Variants in RBPJ observed in about 807,000 individuals in gnomAD.
RBPJ encodes the protein recombining binding protein suppressor of hairless.
A neutral mutation model predicts 67.8 loss-of-function variants in RBPJ; 9 were observed. The observed-to-expected ratio is 0.13, with a 90% CI of 0.08 to 0.23. The LOEUF (loss-of-function observed/expected upper bound fraction) is 0.23. Among genes scored for constraint, RBPJ ranks in the 10% least tolerant of loss-of-function variants. RBPJ has a pLI of 1.00. For missense variants in RBPJ, 305 were observed against 595.6 expected (o/e 0.51, Z 5.08); for synonymous variants, 198 against 203.3 (o/e 0.97, Z 0.22).
chr4:26,231,899 A>T lies in RBPJ; in HGVS notation c.-167+68285A>T, dbSNP rs1053326243. 2.8e-5 allele frequency among the ~76,000 whole-genome samples: 4 copies of T among 145,330 alleles called. 1 individual carries two copies. The highest frequency in any genetic ancestry group is 1.0e-4 in the African/African-American group (4 of 39,298). On this transcript the variant is annotated intron_variant, in intron 1 of 4. Transcript: ENST00000512351. Reference sequence around the variant, plus strand: ...AATTTTTATTTATTTTTATTTATTTATTTATTTTTTTAGACAGAGTCTCAC... The same window carrying T: ...AATTTTTATTTATTTTTATTTATTTTTTTATTTTTTTAGACAGAGTCTCAC...
At chr4:26,181,055 C>G (rs1297363565) in intron 1 of RBPJ, among the ~76,000 whole-genome samples, 1 of 152,192 alleles carries the variant, frequency 6.6e-6, no homozygotes, top group Non-Finnish European at 1.5e-5. Flanking sequence ...CTTCCTTGGT[C>G]TTCTGCCATG....
chr4:26,228,086 C>T (rs1192045306), intron 1 of RBPJ, among the ~76,000 whole-genome samples: 6 of 152,222 alleles, frequency 3.9e-5, no homozygotes, highest in Admixed American at 6.5e-5. Context: ...CCCACCCATC[C>T]CTTAACCATT....
At chr4:26,355,178 C>G (rs1032471835) in intron 1 of RBPJ, among the ~76,000 whole-genome samples, 1 of 152,086 alleles carries the variant, frequency 6.6e-6, no homozygotes, top group African/African-American at 2.4e-5. Flanking sequence ...CCCACCTCCC[C>G]CTAATCCCCC....
chr4:26,208,507 C>G (rs927848500), intron 1 of RBPJ, among the ~76,000 whole-genome samples: 1 of 152,152 alleles, frequency 6.6e-6, no homozygotes, highest in African/African-American at 2.4e-5. Flanking sequence ...TCTTTCTGTG[C>G]TAATAATATA....
intron 1 of RBPJ, among the ~76,000 whole-genome samples, chr4:26,296,200 A>C (rs1450429159): frequency 6.6e-6 from 1 of 152,230 alleles, no homozygotes; most frequent in Non-Finnish European, 1.5e-5. Context: ...TAGAACAGAA[A>C]AGTTCCTAAT....
chr4:26,269,087 C>T (rs1282241527), intron 1 of RBPJ, among the ~76,000 whole-genome samples: 1 of 151,996 alleles, frequency 6.6e-6, no homozygotes, highest in Non-Finnish European at 1.5e-5. Flanking sequence ...GTCACTGAGC[C>T]CCACTTCAGC....
At chr4:26,322,959 C>T (rs1309966206) in intron 1 of RBPJ, 1 of 150,452 alleles carries the variant, frequency 6.6e-6, no homozygotes, top group Non-Finnish European at 1.5e-5. Flanking sequence ...AGGTATGTTA[C>T]CCATAAAATC....
the RBPJ span, among the ~76,000 whole-genome samples, chr4:26,137,961 T>C: frequency 2.0e-5 from 3 of 152,192 alleles, no homozygotes; most frequent in East Asian, 5.8e-4. Context: ...AGCATGCAAC[T>C]CAGTCTGAAC....
chr4:26,187,957 G>A (rs1418693114), intron 1 of RBPJ, among the ~76,000 whole-genome samples: 1 of 152,180 alleles, frequency 6.6e-6, no homozygotes, highest in South Asian at 2.1e-4. Flanking sequence ...AACCCAGAAG[G>A]TGGAGGCTGC....
At chr4:26,158,008 C>G in the RBPJ span, among the ~76,000 whole-genome samples, 2 of 152,142 alleles carry the variant, frequency 1.3e-5, no homozygotes, top group Non-Finnish European at 2.9e-5. Flanking sequence ...TGAACCCAGC[C>G]CAAATTGCTG....
chr4:26,335,526 C>G (rs1238879026), intron 1 of RBPJ, among the ~76,000 whole-genome samples: 1 of 151,808 alleles, frequency 6.6e-6, no homozygotes, highest in Non-Finnish European at 1.5e-5. Flanking sequence ...CTTCTTTTTG[C>G]TCGCTGCCAT....
At position 26,387,217 on chromosome 4, in the gene RBPJ, T is replaced by C. The variant is rs888507749; in HGVS notation, c.59+826T>C. Reference sequence around the variant, plus strand: ...TTAGGTCATTTCCAAATTATTGCTATTATTTTAAAAAGCTGTTACACTTAA... The same window carrying C: ...TTAGGTCATTTCCAAATTATTGCTACTATTTTAAAAAGCTGTTACACTTAA... On this transcript the variant is annotated intron_variant, in intron 2 of 10. Transcript: ENST00000355476. 2.6e-5 allele frequency among the ~76,000 whole-genome samples: 4 copies of C among 152,150 alleles called. No homozygotes were observed. In the South Asian group the frequency reaches 8.3e-4, roughly 31 times the overall value.
intron 1 of RBPJ, among the ~76,000 whole-genome samples, chr4:26,377,895 T>C (rs183411687): frequency 7.9e-4 from 121 of 152,350 alleles, no homozygotes; most frequent in African/African-American, 2.8e-3. Context: ...AACTTCTTTG[T>C]CAAATTATAT....
At chr4:26,115,004 CTGTA>C in the RBPJ span, among the ~76,000 whole-genome samples, 2 of 152,196 alleles carry the variant, frequency 1.3e-5, no homozygotes, top group Non-Finnish European at 2.9e-5. Flanking sequence ...ATTATTGCCT[CTGTA>C]TGGTGAAAAT....
upstream of RBPJ, chr4:26,320,960 G>A (rs950805661): frequency 2.6e-5 from 41 of 1,593,168 alleles, no homozygotes; most frequent in Admixed American, 6.5e-4. Context: ...AGGGGCGGGG[G>A]AGAGGGACCA....
chr4:26,428,614 A>T (rs1443669243), intron 7 of RBPJ, 106 bp from the exon 8 acceptor site: 4 of 759,306 alleles, frequency 5.3e-6, no homozygotes, highest in Non-Finnish European at 8.9e-6. Context: ...AATAACTGTG[A>T]TGTATTATTA....
At chr4:26,360,370 T>G (rs529474334) in intron 1 of RBPJ, among the ~76,000 whole-genome samples, 38 of 152,338 alleles carry the variant, frequency 2.5e-4, no homozygotes, top group African/African-American at 9.1e-4. Context: ...ATCATGAACT[T>G]TCTATATTTA....
intron 1 of RBPJ, among the ~76,000 whole-genome samples, chr4:26,349,992 C>T (rs1384734060): frequency 2.6e-5 from 4 of 152,128 alleles, no homozygotes; most frequent in Non-Finnish European, 5.9e-5. Context: ...TCATAAAATG[C>T]TTTTATTAAA....
chr4:26,386,846 G>A (rs564840747), intron 2 of RBPJ, among the ~76,000 whole-genome samples: 6 of 152,182 alleles, frequency 3.9e-5, no homozygotes, highest in Non-Finnish European at 7.4e-5. Flanking sequence ...AATTATGAAT[G>A]TTGAAAGTAT....
Sources: gnomAD v4.1 joint callset for allele counts (sites outside exome capture counted in the v4.1 genomes callset) on GRCh38, gnomAD v4.1.1 for gene constraint, MANE v1.5 for transcripts, NCBI Gene and HGNC (gene_info 2026-07-23, HGNC 2026-07-21) for gene names.